KLF12: variants seen among roughly 807,000 people sequenced by gnomAD.
KLF12 encodes the protein Krueppel-like factor 12.
In KLF12, 9 loss-of-function variants were observed where a neutral mutation model predicts 37.8. The ratio of observed to expected loss-of-function variants is 0.24; its 90% CI spans 0.14 to 0.42. The LOEUF (loss-of-function observed/expected upper bound fraction) is 0.42, where lower values mean the gene tolerates loss of function less well. Ranked by LOEUF, KLF12 falls within the 10% of genes least tolerant of loss-of-function variation. The pLI, the probability that KLF12 is intolerant of heterozygous loss-of-function variation, is 1.00. For synonymous variants in KLF12, 208 were observed against 202.1 expected (o/e 1.03, Z -0.25); for missense variants, 411 against 516.0 (o/e 0.80, Z 1.97).
At chr13:74,291,727 A>C in the KLF12 span, among the ~76,000 whole-genome samples, 1 of 152,150 alleles carries the variant, frequency 6.6e-6, no homozygotes, top group Non-Finnish European at 1.5e-5. Context: ...CTGGATATAC[A>C]TATATGTATC....
At chr13:74,269,915 G>T in the KLF12 span, among the ~76,000 whole-genome samples, 1 of 152,104 alleles carries the variant, frequency 6.6e-6, no homozygotes, top group African/African-American at 2.4e-5. Context: ...TAGTGTTGTT[G>T]GTATTCAGTG....
At chr13:73,808,608 A>G (rs73216743) in intron 5 of KLF12, among the ~76,000 whole-genome samples, 21,610 of 152,194 alleles carry the variant, frequency 0.14, 2,045 homozygotes, top group African/African-American at 0.27. Flanking sequence ...ATATGAAATC[A>G]AAAGGAACAT....
intron 5 of KLF12, among the ~76,000 whole-genome samples, chr13:73,797,166 A>G (rs1882020993): frequency 6.6e-6 from 1 of 152,182 alleles, no homozygotes; most frequent in South Asian, 2.1e-4. Context: ...CAAAAAATAA[A>G]AATAAAATAA....
At chr13:73,830,341 TTAATAAA>T (rs1248476309) in intron 4 of KLF12, among the ~76,000 whole-genome samples, 1 of 152,164 alleles carries the variant, frequency 6.6e-6, no homozygotes, top group African/African-American at 2.4e-5. Context: ...TTTGATAAAC[TTAATAAA>T]TAATAGAGAA....
chr13:73,695,554 C>T lies in KLF12; in HGVS notation c.1145G>A (p.Cys382Tyr), dbSNP rs1178989834. ...ATCTGACCGGGAAAAGCTGCGATCA[C>T]AGTCCGCGCACTTGAATGGCTTCAC... Residue 382 changes from cysteine to tyrosine, a missense_variant, in exon 8 of 8, where the codon TGT becomes TAT. Cys to Tyr is a radical substitution (Grantham distance 194, BLOSUM62 -2). Transcript: ENST00000377669. 1 of 1,614,120 alleles carries T rather than the reference C, an allele frequency of 6.2e-7. No individual in the cohort carries two copies. Among genetic ancestry groups the T allele is most frequent in the East Asian group, 2.2e-5 (1 of 44,874 alleles).
chr13:73,813,763 A>G (rs1046046001), intron 4 of KLF12, among the ~76,000 whole-genome samples: 1 of 152,196 alleles, frequency 6.6e-6, no homozygotes, highest in African/African-American at 2.4e-5. Context: ...TGCGTGACTA[A>G]AAGAAAGTAT....
At chr13:74,218,472 A>G in the KLF12 span, among the ~76,000 whole-genome samples, 4 of 152,162 alleles carry the variant, frequency 2.6e-5, no homozygotes, top group African/African-American at 9.7e-5. Context: ...TGAAAGACAT[A>G]CTAACTGCCC....
At chr13:74,057,686 T>G (rs1429251202) in intron 1 of KLF12, among the ~76,000 whole-genome samples, 1 of 152,152 alleles carries the variant, frequency 6.6e-6, no homozygotes, top group Non-Finnish European at 1.5e-5. Context: ...ATTCAACTAT[T>G]TTAAAAGAGA....
the KLF12 span, chr13:74,257,727 G>T: frequency 6.6e-6 from 1 of 152,154 alleles, no homozygotes; most frequent in East Asian, 1.9e-4. Context: ...ATCTGATTTT[G>T]TGAACCCAAA....
the KLF12 span, among the ~76,000 whole-genome samples, chr13:74,156,037 A>G: frequency 6.6e-6 from 1 of 152,204 alleles, no homozygotes; most frequent in African/African-American, 2.4e-5. Context: ...TTCTATGTTC[A>G]TGGAAACCTT....
chr13:73,828,736 G>A (rs879170078), intron 4 of KLF12, among the ~76,000 whole-genome samples: 12 of 152,052 alleles, frequency 7.9e-5, no homozygotes, highest in Admixed American at 7.2e-4. Context: ...TAAATAAATC[G>A]TTAGCTTGGC....
chr13:74,096,429 T>C (rs1050714090), intron 1 of KLF12, among the ~76,000 whole-genome samples: 38 of 152,126 alleles, frequency 2.5e-4, no homozygotes, highest in African/African-American at 8.7e-4. Context: ...GGACCAAAGA[T>C]TACAATCACA....
chr13:74,055,328 A>C (rs758124209), intron 1 of KLF12, among the ~76,000 whole-genome samples: 1 of 152,240 alleles, frequency 6.6e-6, no homozygotes, highest in Non-Finnish European at 1.5e-5. Context: ...GCTGTAAAGC[A>C]ATTTATTAGA....
At chr13:74,300,888 A>G in the KLF12 span, among the ~76,000 whole-genome samples, 1 of 152,014 alleles carries the variant, frequency 6.6e-6, no homozygotes, top group Non-Finnish European at 1.5e-5. Context: ...GTCTTGGAGG[A>G]CTCTCACAGT....
the KLF12 span, among the ~76,000 whole-genome samples, chr13:74,296,814 T>C: frequency 1.3e-5 from 2 of 152,120 alleles, no homozygotes; most frequent in Non-Finnish European, 2.9e-5. Flanking sequence ...CAAATTGCTG[T>C]GTGTTATCCT....
chr13:73,844,123 T>C (rs1884891355), intron 4 of KLF12, among the ~76,000 whole-genome samples: 1 of 152,116 alleles, frequency 6.6e-6, no homozygotes, highest in South Asian at 2.1e-4. Context: ...AATAAAATAA[T>C]TTTTATCTTA....
intron 1 of KLF12, among the ~76,000 whole-genome samples, chr13:74,056,981 G>A (rs1175499840): frequency 6.6e-6 from 1 of 152,198 alleles, no homozygotes; most frequent in Admixed American, 6.5e-5. Flanking sequence ...GGGCACAGGA[G>A]CCAGAGAAAG....
chr13:73,916,657 T>C (rs747565280), intron 3 of KLF12, among the ~76,000 whole-genome samples: 6 of 152,184 alleles, frequency 3.9e-5, no homozygotes, highest in Non-Finnish European at 7.3e-5. Flanking sequence ...ATCTGAGAAA[T>C]GTTATGATGA....
At chr13:73,901,644 G>A (rs991418647) in intron 3 of KLF12, among the ~76,000 whole-genome samples, 1 of 151,998 alleles carries the variant, frequency 6.6e-6, no homozygotes, top group African/African-American at 2.4e-5. Context: ...TGACTAATAG[G>A]TTCTTGCTCC....
Sources: gnomAD v4.1 joint callset for allele counts (sites outside exome capture counted in the v4.1 genomes callset) on GRCh38, gnomAD v4.1.1 for gene constraint, MANE v1.5 for transcripts, NCBI Gene and HGNC (gene_info 2026-07-23, HGNC 2026-07-21) for gene names.